DYSF: variants seen among roughly 807,000 people sequenced by gnomAD.
DYSF encodes dysferlin, also known as dystrophy-associated fer-1-like 1.
A neutral mutation model predicts 274.9 loss-of-function variants in DYSF; 212 were observed. The observed-to-expected ratio is 0.77, with a 90% CI of 0.69 to 0.86. The LOEUF (loss-of-function observed/expected upper bound fraction) is 0.86, where lower values mean the gene tolerates loss of function less well. Ranked by LOEUF, DYSF falls within the 40% of genes least tolerant of loss-of-function variation. The pLI is 0.00. For missense variants in DYSF, 2,666 were observed against 2,783.2 expected (o/e 0.96, Z 0.95); for synonymous variants, 1,091 against 1,078.7 (o/e 1.01, Z -0.22).
At chr2:71,638,312 G>C (rs912217567) in intron 41 of DYSF, among the ~76,000 whole-genome samples, 1 of 144,438 alleles carries the variant, frequency 6.9e-6, no homozygotes, top group Non-Finnish European at 1.5e-5. Context: ...TATATTAACA[G>C]AGTTGTGCAA....
intron 30 of DYSF, among the ~76,000 whole-genome samples, chr2:71,580,603 A>G (rs755753514): frequency 7.2e-5 from 11 of 152,118 alleles, no homozygotes; most frequent in Non-Finnish European, 1.3e-4. Context: ...AACAAGACCT[A>G]TGGCTGGGGC....
At chr2:71,620,829 G>A (rs2094079365) in intron 41 of DYSF, among the ~76,000 whole-genome samples, 1 of 152,070 alleles carries the variant, frequency 6.6e-6, no homozygotes. Context: ...GTTACTTCCT[G>A]GGATTTACCT....
rs1274768234 is a variant in DYSF at position 71,592,169 on chromosome 2, C to T, written c.3574+1881C>T. On this transcript the variant is annotated intron_variant, in intron 32 of 55. Coordinates refer to ENST00000410020, the MANE Select transcript of DYSF (RefSeq NM_001130987.2). The stretch of plus-strand genomic sequence containing the variant: ...GCCAGGGGGGGCCCAGGCAGAAGCC[C>T]CCTTGTCCTCTGTGGGCCCTGCGGG... 2.0e-5 allele frequency among the ~76,000 whole-genome samples: 3 copies of T among 152,332 alleles called. No homozygotes were observed. In the East Asian group the frequency reaches 5.8e-4, roughly 29 times the overall value.
At chr2:71,676,049 G>A (rs1226205376) in intron 52 of DYSF, among the ~76,000 whole-genome samples, 1 of 151,998 alleles carries the variant, frequency 6.6e-6, no homozygotes, top group African/African-American at 2.4e-5. Context: ...TGTCATAGAC[G>A]TGGGCCCTGT....
At chr2:71,529,010 C>T (rs1002236798) in intron 14 of DYSF, among the ~76,000 whole-genome samples, 2 of 152,130 alleles carry the variant, frequency 1.3e-5, no homozygotes, top group African/African-American at 4.8e-5. Flanking sequence ...CATCACCTCT[C>T]TGCAGAGAAC....
At chr2:71,458,235 A>G (rs544770490) in intron 1 of DYSF, among the ~76,000 whole-genome samples, 1 of 152,374 alleles carries the variant, frequency 6.6e-6, no homozygotes, top group South Asian at 2.1e-4. Flanking sequence ...CAAGCAATAA[A>G]TGTTAACTAT....
intron 52 of DYSF, among the ~76,000 whole-genome samples, chr2:71,676,950 T>TGTGG (rs1295539003): frequency 1.3e-5 from 2 of 151,782 alleles, no homozygotes; most frequent in South Asian, 2.1e-4. Context: ...TGTGTGTGTG[T>TGTGG]GGTTTAATAT....
At chr2:71,653,291 C>T (rs955390949) in intron 42 of DYSF, among the ~76,000 whole-genome samples, 4 of 151,978 alleles carry the variant, frequency 2.6e-5, no homozygotes, top group Non-Finnish European at 5.9e-5. Flanking sequence ...ACCATTTGAC[C>T]CAGCCATCTC....
rs17007188 is a variant in DYSF at position 71,671,281 on chromosome 2, T to C, written c.5784+1535T>C. 7.2e-3 allele frequency among the ~76,000 whole-genome samples: 1,097 copies of C among 152,284 alleles called. 20 individuals are homozygous for C. Among genetic ancestry groups the C allele is most frequent in the African/African-American group, 0.025 (1,027 of 41,546 alleles). Reference sequence around the variant, plus strand: ...GGGTTCTGGGAGGTCAAGGAAAGCATGGGCCGTTTGCAGGTTGAGCCTCAT... The same window carrying C: ...GGGTTCTGGGAGGTCAAGGAAAGCACGGGCCGTTTGCAGGTTGAGCCTCAT... On this transcript the variant is annotated intron_variant, in intron 51 of 55. Coordinates refer to ENST00000410020, the MANE Select transcript of DYSF (RefSeq NM_001130987.2).
At chr2:71,453,659 A>T (rs2080931037) in exon 1 of DYSF, 2 of 380,394 alleles carry the variant, frequency 5.3e-6, no homozygotes, top group South Asian at 2.2e-5. Flanking sequence ...ATGCCGTGTC[A>T]TTGGGAGACT....
Position 71,665,189 on chromosome 2 carries a change from G to T in DYSF, c.5202G>T (p.Gln1734His), listed in dbSNP as rs749455148. 9 of 1,613,584 alleles carry T rather than the reference G, an allele frequency of 5.6e-6. No individual in the cohort carries two copies. Among genetic ancestry groups the T allele is most frequent in the Non-Finnish European group, 7.6e-6 (9 of 1,180,018 alleles). The change falls in exon 47 of 56, where the codon CAG becomes CAT. Residue 1734 changes from glutamine to histidine, a missense_variant. Gln to His is a conservative substitution (Grantham distance 24). Coordinates refer to ENST00000410020, the MANE Select transcript of DYSF (RefSeq NM_001130987.2). ...CVSGPNQWRD[Q>H]LRPSQLLHLF... is the part of the protein sequence containing the mutation. The stretch of plus-strand genomic sequence containing the variant: ...CTGGACCGAACCAGTGGCGGGACCA[G>T]CTCCGCCCCTCCCAGCTCCTCCACC...
chr2:71,674,090 C>A, intron 51 of DYSF, 107 bp from the exon 52 acceptor site: 1 of 949,734 alleles, frequency 1.1e-6, no homozygotes, highest in Non-Finnish European at 1.7e-6. Flanking sequence ...CCCTTGGGGA[C>A]ATCCTACTCC....
At chr2:71,497,972 A>G (rs1279567528) in intron 3 of DYSF, among the ~76,000 whole-genome samples, 4 of 152,168 alleles carry the variant, frequency 2.6e-5, no homozygotes, top group Admixed American at 2.0e-4. Flanking sequence ...TCTAGGGGCC[A>G]GGGGTGATTA....
chr2:71,685,474 A>G (rs2095345781), intron 55 of DYSF, among the ~76,000 whole-genome samples: 1 of 152,184 alleles, frequency 6.6e-6, no homozygotes, highest in Non-Finnish European at 1.5e-5. Context: ...TCATTTGGCC[A>G]GTACCAGATG....
chr2:71,495,134 G>C (rs1260440907), intron 3 of DYSF, among the ~76,000 whole-genome samples: 16 of 152,166 alleles, frequency 1.1e-4, no homozygotes, highest in Admixed American at 1.0e-3. Flanking sequence ...ACTCTCTGAA[G>C]TATTCATTAT....
At chr2:71,669,846 C>T in intron 51 of DYSF, 100 bp downstream of exon 51, 1 of 1,517,898 alleles carries the variant, frequency 6.6e-7, no homozygotes, top group South Asian at 1.1e-5. Context: ...CACAATCTCA[C>T]TGCTGCCCCA....
chr2:71,562,106 T>C (rs1017314697), intron 23 of DYSF, among the ~76,000 whole-genome samples, 162 bp downstream of exon 23: 2 of 152,144 alleles, frequency 1.3e-5, no homozygotes, highest in Admixed American at 6.5e-5. Context: ...AATGGACCAA[T>C]TTGCAGAAGG....
intron 45 of DYSF, among the ~76,000 whole-genome samples, chr2:71,663,976 G>T (rs1235152955): frequency 2.0e-5 from 3 of 152,182 alleles, no homozygotes; most frequent in Admixed American, 6.5e-5. Flanking sequence ...TGGTGTCGTG[G>T]TCAAAGCTTC....
At chr2:71,646,154 G>A (rs1394216317) in intron 42 of DYSF, among the ~76,000 whole-genome samples, 2 of 152,202 alleles carry the variant, frequency 1.3e-5, no homozygotes, top group Non-Finnish European at 1.5e-5. Flanking sequence ...GTTCCTCCTC[G>A]ACTTGGTAGT....
Sources: allele counts gnomAD v4.1 joint callset (sites outside exome capture counted in the v4.1 genomes callset), GRCh38; gene constraint gnomAD v4.1.1; transcripts MANE v1.5; gene names NCBI Gene and HGNC (gene_info 2026-07-23, HGNC 2026-07-21).